The following ADGRL2 variants were observed in gnomAD, a reference collection of about 807,000 sequenced individuals.
The protein encoded by ADGRL2 is adhesion G protein-coupled receptor L2, also known as calcium-independent alpha-latrotoxin receptor 2.
In ADGRL2, 44 loss-of-function variants were observed where a neutral mutation model predicts 157.4. The ratio of observed to expected loss-of-function variants is 0.28; its 90% CI spans 0.22 to 0.36. The LOEUF is 0.36. Ranked by LOEUF, ADGRL2 falls within the 10% of genes least tolerant of loss-of-function variation. ADGRL2 has a pLI of 1.00. For synonymous variants in ADGRL2, 585 were observed against 624.7 expected (o/e 0.94, Z 0.95); for missense variants, 1,510 against 1,768.9 (o/e 0.85, Z 2.63).
At chr1:81,766,174 CACT>C (rs1366781923) in intron 2 of ADGRL2, among the ~76,000 whole-genome samples, 1 of 152,108 alleles carries the variant, frequency 6.6e-6, no homozygotes, top group African/African-American at 2.4e-5. Flanking sequence ...TGATTACTGC[CACT>C]ACATTATCCT....
At chr1:81,722,643 T>A (rs2149133140) in intron 1 of ADGRL2, 1 of 1,390,354 alleles carries the variant, frequency 7.2e-7, no homozygotes, top group Admixed American at 1.7e-5. Flanking sequence ...ACGATGAAGA[T>A]GCTAGTACAA....
intron 1 of ADGRL2, among the ~76,000 whole-genome samples, chr1:81,383,529 T>A (rs2101062622): frequency 6.6e-6 from 1 of 151,980 alleles, no homozygotes; most frequent in Non-Finnish European, 1.5e-5. Flanking sequence ...AAGCTCAACT[T>A]CTCTGATAAT....
chr1:81,347,862 G>A (rs1396846014), intron 1 of ADGRL2, among the ~76,000 whole-genome samples: 1 of 152,176 alleles, frequency 6.6e-6, no homozygotes, highest in African/African-American at 2.4e-5. Flanking sequence ...AAAGGGCAGA[G>A]AAAGGACAAA....
chr1:81,692,484 G>T (rs2083362690), intron 3 of ADGRL2, among the ~76,000 whole-genome samples: 1 of 152,108 alleles, frequency 6.6e-6, no homozygotes, highest in African/African-American at 2.4e-5. Context: ...GCCATTGTAT[G>T]CTAAGCTCTT....
chr1:81,342,622 C>T (rs892180266), intron 1 of ADGRL2, among the ~76,000 whole-genome samples: 2 of 152,146 alleles, frequency 1.3e-5, no homozygotes, highest in African/African-American at 2.4e-5. Flanking sequence ...TTTAAAAAAT[C>T]AAAGTAATCT....
chr1:81,511,377 GAAAA>G (rs1160303114), intron 2 of ADGRL2, among the ~76,000 whole-genome samples: 3 of 60,756 alleles, frequency 4.9e-5, no homozygotes, highest in African/African-American at 1.2e-4. Context: ...CCTTGTCTCA[GAAAA>G]AAAAAAAAAA....
chr1:81,592,601 G>A (rs1157591072), intron 3 of ADGRL2, among the ~76,000 whole-genome samples: 2 of 152,168 alleles, frequency 1.3e-5, no homozygotes, highest in African/African-American at 4.8e-5. Flanking sequence ...CTAAGAGAAG[G>A]ATTCTTATAA....
At chr1:81,538,629 T>C (rs141874369) in intron 2 of ADGRL2, among the ~76,000 whole-genome samples, 32 of 151,990 alleles carry the variant, frequency 2.1e-4, no homozygotes, top group African/African-American at 6.8e-4. Context: ...CATACAAGGG[T>C]GTTATGTCGA....
intron 2 of ADGRL2, among the ~76,000 whole-genome samples, chr1:81,878,780 A>C (rs1270218019): frequency 6.6e-6 from 1 of 152,224 alleles, no homozygotes; most frequent in Non-Finnish European, 1.5e-5. Flanking sequence ...CATGGGAAAC[A>C]TGAAATAAAC....
At chr1:81,366,187 A>G (rs181093948) in intron 1 of ADGRL2, among the ~76,000 whole-genome samples, 194 of 152,260 alleles carry the variant, frequency 1.3e-3, no homozygotes, top group African/African-American at 4.3e-3. Context: ...TGTTTACTAC[A>G]GTAATGTTTA....
intron 2 of ADGRL2, among the ~76,000 whole-genome samples, chr1:81,476,837 C>T (rs562816515): frequency 7.6e-4 from 116 of 152,130 alleles, no homozygotes; most frequent in African/African-American, 2.7e-3. Flanking sequence ...CTCTCAGATT[C>T]TGTCCTCAGA....
At chr1:81,802,731 C>G (rs895455665) in intron 1 of ADGRL2, among the ~76,000 whole-genome samples, 1 of 152,140 alleles carries the variant, frequency 6.6e-6, no homozygotes, top group Non-Finnish European at 1.5e-5. Context: ...CCTCCGGTCC[C>G]GCACTGTAAG....
chr1:81,921,059 T>C (rs1035679775), intron 3 of ADGRL2, among the ~76,000 whole-genome samples: 2 of 152,168 alleles, frequency 1.3e-5, no homozygotes, highest in Non-Finnish European at 2.9e-5. Flanking sequence ...TTGCCTTGGC[T>C]ATAGAGGTTT....
At chr1:81,918,715 A>G (rs1326371870) in intron 3 of ADGRL2, among the ~76,000 whole-genome samples, 1 of 152,200 alleles carries the variant, frequency 6.6e-6, no homozygotes, top group African/African-American at 2.4e-5. Context: ...CAGGAAAAGC[A>G]ACATTATAGA....
chr1:81,594,176 T>G (rs1005179206), intron 3 of ADGRL2, among the ~76,000 whole-genome samples: 2 of 152,218 alleles, frequency 1.3e-5, no homozygotes, highest in African/African-American at 4.8e-5. Context: ...ATCATCTGCC[T>G]GGCACTTCTA....
intron 1 of ADGRL2, among the ~76,000 whole-genome samples, chr1:81,404,948 G>A (rs1022656129): frequency 6.6e-6 from 1 of 152,096 alleles, no homozygotes; most frequent in African/African-American, 2.4e-5. Flanking sequence ...TATAAATATG[G>A]CTTTTAGCAA....
In ADGRL2 at chr1:81,366,101, C is replaced by T. The variant is rs2076061606; in HGVS notation, c.-302+59592C>T. Among the ~76,000 whole-genome samples, 4 of 151,848 alleles carry T rather than the reference C, an allele frequency of 2.6e-5. No homozygotes were observed. In the South Asian group the frequency reaches 8.3e-4, roughly 32 times the overall value. ...TTACAGACTGTCATTCTTTTTATAC[C>T]TTCCTCTTGAAAATATCTATGAAAA... On this transcript the variant is annotated intron_variant, in intron 1 of 24. Transcript: ENST00000370721.
At chr1:81,486,248 T>A (rs1021561487) in intron 2 of ADGRL2, among the ~76,000 whole-genome samples, 1 of 152,120 alleles carries the variant, frequency 6.6e-6, no homozygotes, top group Non-Finnish European at 1.5e-5. Flanking sequence ...TTCATAGACA[T>A]CTTCTGTTTA....
intron 1 of ADGRL2, among the ~76,000 whole-genome samples, chr1:81,394,712 T>C (rs995345122): frequency 2.0e-5 from 3 of 152,142 alleles, no homozygotes; most frequent in African/African-American, 7.2e-5. Flanking sequence ...ATTTCCTTTG[T>C]TTGGATATAT....
Sources: allele counts gnomAD v4.1 joint callset (sites outside exome capture counted in the v4.1 genomes callset), GRCh38; gene constraint gnomAD v4.1.1; transcripts MANE v1.5; gene names NCBI Gene and HGNC (gene_info 2026-07-23, HGNC 2026-07-21).